The following PRKCE variants were observed in gnomAD, a reference collection of about 807,000 sequenced individuals.
PRKCE encodes the protein protein kinase C epsilon type.
A neutral mutation model predicts 85.4 loss-of-function variants in PRKCE; 16 were observed. The observed-to-expected ratio is 0.19, with a 90% CI of 0.13 to 0.28. The LOEUF is 0.28. Among genes scored for constraint, PRKCE ranks in the 10% least tolerant of loss-of-function variants. The probability of loss-of-function intolerance (pLI) is 1.00; values close to 1 mark genes in which losing one functional copy is unlikely to be tolerated. For missense variants in PRKCE, 573 were observed against 975.2 expected, an observed-to-expected ratio of 0.59 and a Z score of 5.49; for synonymous variants, 388 against 371.5, an observed-to-expected ratio of 1.04 and a Z score of -0.51.
intron 10 of PRKCE, among the ~76,000 whole-genome samples, chr2:46,050,071 A>G (rs1574332861): frequency 6.6e-6 from 1 of 152,198 alleles, no homozygotes; most frequent in South Asian, 2.1e-4. Flanking sequence ...ACTGGCTCCC[A>G]TTGCCCGCCC....
At chr2:45,703,020 T>TTCC (rs1678786026) in intron 1 of PRKCE, among the ~76,000 whole-genome samples, 2 of 120,922 alleles carry the variant, frequency 1.7e-5, no homozygotes. Context: ...AAAGCCTTTT[T>TTCC]TCCCCCCCCG....
At chr2:45,948,568 G>A (rs1298051510) in intron 2 of PRKCE, among the ~76,000 whole-genome samples, 1 of 152,184 alleles carries the variant, frequency 6.6e-6, no homozygotes. Flanking sequence ...GAGCCCAGGA[G>A]CTCGAGGCTG....
chr2:46,174,212 C>T (rs281475), intron 14 of PRKCE, among the ~76,000 whole-genome samples: 2 of 152,144 alleles, frequency 1.3e-5, no homozygotes, highest in Non-Finnish European at 1.5e-5. Context: ...CCTACGACTA[C>T]AGGGGCCACC....
intron 1 of PRKCE, among the ~76,000 whole-genome samples, chr2:45,800,145 C>G (rs1351191287): frequency 6.6e-6 from 1 of 152,170 alleles, no homozygotes; most frequent in Admixed American, 6.5e-5. Flanking sequence ...GCAGGAGTGC[C>G]CAGCGGCTGG....
chr2:46,091,427 A>G (rs1670160020), intron 11 of PRKCE, among the ~76,000 whole-genome samples: 1 of 152,196 alleles, frequency 6.6e-6, no homozygotes, highest in African/African-American at 2.4e-5. Context: ...TCCCCATGTC[A>G]TGAAGGAGAA....
At chr2:46,015,602 C>T (rs149830089) in intron 10 of PRKCE, among the ~76,000 whole-genome samples, 1 of 144,906 alleles carries the variant, frequency 6.9e-6, no homozygotes, top group Non-Finnish European at 1.5e-5. Context: ...TGTGTGAGCA[C>T]GGGGAGAAGT....
chr2:46,092,702 C>T (rs1186080220), intron 11 of PRKCE, among the ~76,000 whole-genome samples: 4 of 152,200 alleles, frequency 2.6e-5, no homozygotes, highest in African/African-American at 9.7e-5. Flanking sequence ...TGGGGTTGTA[C>T]TGAGGTCTCT....
At chr2:46,032,657 C>G (rs1707608186) in intron 10 of PRKCE, among the ~76,000 whole-genome samples, 2 of 152,094 alleles carry the variant, frequency 1.3e-5, no homozygotes, top group South Asian at 4.1e-4. Flanking sequence ...TGTGTTGATG[C>G]TTGGAGTCAG....
chr2:46,174,379 G>T (rs2104678301), intron 14 of PRKCE, among the ~76,000 whole-genome samples: 1 of 152,346 alleles, frequency 6.6e-6, no homozygotes, highest in Admixed American at 6.5e-5. Flanking sequence ...TGATGTAAAG[G>T]TCGCAAACTG....
At chr2:46,147,642 A>G (rs1676207065) in intron 12 of PRKCE, among the ~76,000 whole-genome samples, 1 of 151,976 alleles carries the variant, frequency 6.6e-6, no homozygotes, top group African/African-American at 2.4e-5. Flanking sequence ...GGCAAATTAC[A>G]GCTGATAAAG....
intron 2 of PRKCE, among the ~76,000 whole-genome samples, chr2:45,975,930 C>T (rs1174700035): frequency 1.3e-5 from 2 of 152,186 alleles, no homozygotes; most frequent in African/African-American, 2.4e-5. Context: ...CTTCTTGAGC[C>T]AGGAAGCTTA....
intron 2 of PRKCE, among the ~76,000 whole-genome samples, chr2:45,899,537 A>G (rs1301211037): frequency 6.6e-6 from 1 of 151,892 alleles, no homozygotes; most frequent in Non-Finnish European, 1.5e-5. Flanking sequence ...GAGCCCCACC[A>G]TGTCTGGCTA....
chr2:46,103,520 A>G (rs1473576224), intron 11 of PRKCE, among the ~76,000 whole-genome samples: 2 of 152,246 alleles, frequency 1.3e-5, no homozygotes, highest in Non-Finnish European at 2.9e-5. Flanking sequence ...TAATACACAT[A>G]TTAAGTATTT....
chr2:45,798,918 A>T (rs1206293331), intron 1 of PRKCE, among the ~76,000 whole-genome samples: 1 of 152,096 alleles, frequency 6.6e-6, no homozygotes, highest in Non-Finnish European at 1.5e-5. Flanking sequence ...CTATAATCCC[A>T]GCACTTTGGG....
At chr2:46,120,278 G>A (rs1182939842) in intron 11 of PRKCE, among the ~76,000 whole-genome samples, 2 of 152,150 alleles carry the variant, frequency 1.3e-5, no homozygotes, top group African/African-American at 4.8e-5. Flanking sequence ...TTACCTCCAG[G>A]GAAGATTTGG....
At chr2:45,711,087 G>A (rs76490910) in intron 1 of PRKCE, among the ~76,000 whole-genome samples, 3,438 of 152,222 alleles carry the variant, frequency 0.023, 119 homozygotes, top group African/African-American at 0.078. Context: ...TGAAGGGAGC[G>A]CAGCTCAGAG....
intron 11 of PRKCE, among the ~76,000 whole-genome samples, chr2:46,093,310 A>G (rs1235077064): frequency 1.3e-5 from 2 of 152,164 alleles, no homozygotes; most frequent in Admixed American, 6.5e-5. Flanking sequence ...GAGTTTACAC[A>G]ATGAGATAGT....
chr2:45,883,678 C>T (rs1467236262), intron 2 of PRKCE, among the ~76,000 whole-genome samples: 1 of 152,146 alleles, frequency 6.6e-6, no homozygotes, highest in African/African-American at 2.4e-5. Context: ...CCATGCCATG[C>T]TACACTCCCT....
intron 1 of PRKCE, among the ~76,000 whole-genome samples, chr2:45,755,741 A>G (rs1265372499): frequency 1.3e-5 from 2 of 152,142 alleles, no homozygotes; most frequent in African/African-American, 2.4e-5. Context: ...TGTATGTATT[A>G]CCAGTGACTC....
Sources: allele counts gnomAD v4.1 joint callset (sites outside exome capture counted in the v4.1 genomes callset), GRCh38; gene constraint gnomAD v4.1.1; transcripts MANE v1.5; gene names NCBI Gene and HGNC (gene_info 2026-07-23, HGNC 2026-07-21).